The following ARHGAP26 variants were observed in gnomAD, a reference collection of about 807,000 sequenced individuals.
ARHGAP26 encodes the protein Rho GTPase activating protein 26.
In ARHGAP26, 38 loss-of-function variants were observed where a neutral mutation model predicts 104.8. The observed-to-expected ratio is 0.36, with a 90% CI of 0.28 to 0.48. The LOEUF (loss-of-function observed/expected upper bound fraction) is 0.48, where lower values mean the gene tolerates loss of function less well. Among genes scored for constraint, ARHGAP26 ranks in the 20% least tolerant of loss-of-function variants. The pLI is 0.99. For synonymous variants in ARHGAP26, 341 were observed against 340.0 expected (o/e 1.00, Z -0.03); for missense variants, 704 against 947.9 (o/e 0.74, Z 3.38).
intron 1 of ARHGAP26, among the ~76,000 whole-genome samples, chr5:142,816,989 C>T (rs1247101720): frequency 6.6e-6 from 1 of 151,922 alleles, no homozygotes; most frequent in Non-Finnish European, 1.5e-5. Flanking sequence ...AGAGAGAGCA[C>T]GTGGATGGGG....
At chr5:142,900,389 C>A (rs968015394) in intron 6 of ARHGAP26, among the ~76,000 whole-genome samples, 1 of 152,154 alleles carries the variant, frequency 6.6e-6, no homozygotes, top group African/African-American at 2.4e-5. Flanking sequence ...GAGGACCCAG[C>A]AATGCCTACT....
intron 1 of ARHGAP26, among the ~76,000 whole-genome samples, chr5:142,805,213 C>T (rs1430875422): frequency 6.6e-6 from 1 of 151,724 alleles, no homozygotes; most frequent in Non-Finnish European, 1.5e-5. Context: ...AGCAGTTCTC[C>T]TGCTTCAGCC....
chr5:143,108,498 C>T (rs1460910464), intron 17 of ARHGAP26, among the ~76,000 whole-genome samples: 4 of 152,112 alleles, frequency 2.6e-5, no homozygotes, highest in African/African-American at 7.2e-5. Flanking sequence ...CGTGACAGGA[C>T]ATATAGGTTT....
intron 20 of ARHGAP26, among the ~76,000 whole-genome samples, chr5:143,198,166 G>A (rs1249279636): frequency 6.6e-6 from 1 of 152,164 alleles, no homozygotes; most frequent in African/African-American, 2.4e-5. Context: ...GTTTTGGCAA[G>A]CACAATATCT....
chr5:143,084,908 G>A (rs1790338218), intron 17 of ARHGAP26, among the ~76,000 whole-genome samples: 1 of 152,014 alleles, frequency 6.6e-6, no homozygotes, highest in Non-Finnish European at 1.5e-5. Context: ...AGCTGGGCGT[G>A]GTGGCGCGTG....
chr5:142,879,113 A>G (rs981849586), intron 3 of ARHGAP26, among the ~76,000 whole-genome samples: 3 of 152,186 alleles, frequency 2.0e-5, no homozygotes, highest in Non-Finnish European at 4.4e-5. Context: ...AGGATCGCTT[A>G]CAGTTTTAGA....
At chr5:143,210,979 C>T (rs1291990510) in intron 21 of ARHGAP26, among the ~76,000 whole-genome samples, 4 of 152,172 alleles carry the variant, frequency 2.6e-5, no homozygotes, top group African/African-American at 9.7e-5. Flanking sequence ...GCCAAAGAAC[C>T]AATGATGCCT....
chr5:143,042,825 G>C (rs1783675362), intron 14 of ARHGAP26, among the ~76,000 whole-genome samples: 1 of 152,164 alleles, frequency 6.6e-6, no homozygotes, highest in African/African-American at 2.4e-5. Flanking sequence ...TTTTGAGAGA[G>C]TCATTCACTT....
rs560051505 is a variant in ARHGAP26, at chr5:142,925,501, A to G, written c.1029-6546A>G. The stretch of plus-strand genomic sequence containing the variant: ...AGGTGTCATTCTCCAAGATTATTCT[A>G]TGTGGCTTTGGCCATATCTTTGTGT... On this transcript the variant is annotated intron_variant, in intron 10 of 22. Transcript: ENST00000645722. 2.2e-4 allele frequency among the ~76,000 whole-genome samples: 34 copies of G among 152,330 alleles called. No homozygotes were observed. The East Asian group carries it at 4.0e-3, about 18-fold the overall frequency.
chr5:142,833,663 T>C (rs996479684), intron 1 of ARHGAP26, among the ~76,000 whole-genome samples: 3 of 152,192 alleles, frequency 2.0e-5, no homozygotes, highest in Non-Finnish European at 4.4e-5. Context: ...ATATTTGCGC[T>C]CTTTCTGTGT....
At chr5:143,054,227 A>G (rs756780425) in intron 14 of ARHGAP26, among the ~76,000 whole-genome samples, 1 of 152,218 alleles carries the variant, frequency 6.6e-6, no homozygotes, top group Non-Finnish European at 1.5e-5. Context: ...TGCCAGCAGG[A>G]TAGGAGAGGA....
intron 11 of ARHGAP26, among the ~76,000 whole-genome samples, chr5:142,932,808 C>T (rs536115598): frequency 9.8e-5 from 15 of 152,314 alleles, no homozygotes; most frequent in African/African-American, 3.6e-4. Context: ...CTATAGAACT[C>T]TTTGCGTCAG....
chr5:142,890,290 G>A (rs1758476413), intron 5 of ARHGAP26, among the ~76,000 whole-genome samples: 1 of 149,476 alleles, frequency 6.7e-6, no homozygotes, highest in South Asian at 2.1e-4. Context: ...TAAAATGTGT[G>A]TTTATCTAGG....
rs1562135663 is a variant in ARHGAP26 at position 142,949,184 on chromosome 5, A to AGAGAGAGAGAGAGAG, written c.1107+17060_1107+17074dup. On this transcript the variant is annotated intron_variant, in intron 11 of 22. Transcript: ENST00000645722. The stretch of plus-strand genomic sequence containing the variant: ...AATTTCCAGAGAGAGAGAGAGAGAG[A>AGAGAGAGAGAGAGAG]GAGAGAGAGAGAGAGAGAGAGAGAG... Among the ~76,000 whole-genome samples, 6 of 23,446 alleles carry AGAGAGAGAGAGAGAG rather than the reference A, an allele frequency of 2.6e-4. 1 individual carries two copies. Among genetic ancestry groups the AGAGAGAGAGAGAGAG allele is most frequent in the African/African-American group, 4.8e-4 (1 of 2,064 alleles). The allele number at this position is 23,446 out of a possible 152,430, so 15.4% of individuals were successfully genotyped here.
intron 20 of ARHGAP26, among the ~76,000 whole-genome samples, chr5:143,158,673 G>C (rs575804997): frequency 2.0e-5 from 3 of 152,312 alleles, no homozygotes; most frequent in African/African-American, 7.2e-5. Flanking sequence ...AAGCAGTGGA[G>C]TTCTCACTAA....
chr5:142,870,821 G>A (rs903295613), intron 1 of ARHGAP26, among the ~76,000 whole-genome samples: 1 of 152,134 alleles, frequency 6.6e-6, no homozygotes, highest in African/African-American at 2.4e-5. Context: ...TGGGATTGGG[G>A]TGGGGGCAAG....
chr5:143,014,896 T>A (rs1209696798), intron 12 of ARHGAP26, among the ~76,000 whole-genome samples: 1 of 152,088 alleles, frequency 6.6e-6, no homozygotes, highest in Non-Finnish European at 1.5e-5. Context: ...TGAGAAAAAA[T>A]TTAAAGGTTG....
intron 1 of ARHGAP26, among the ~76,000 whole-genome samples, chr5:142,869,603 T>A (rs1347416815): frequency 1.3e-5 from 2 of 152,130 alleles, no homozygotes; most frequent in East Asian, 3.8e-4. Context: ...GCACTGAAAA[T>A]ACAGTAGTAA....
intron 3 of ARHGAP26, among the ~76,000 whole-genome samples, chr5:142,878,340 C>T (rs774944648): frequency 7.9e-5 from 12 of 152,150 alleles, no homozygotes; most frequent in Non-Finnish European, 1.5e-4. Context: ...TTGCAGATGA[C>T]GAAATTAGAG....
Sources: allele counts gnomAD v4.1 joint callset (sites outside exome capture counted in the v4.1 genomes callset), GRCh38; gene constraint gnomAD v4.1.1; transcripts MANE v1.5; gene names NCBI Gene and HGNC (gene_info 2026-07-23, HGNC 2026-07-21).